SIK2: variants seen among roughly 807,000 people sequenced by gnomAD.
The protein encoded by SIK2 is salt inducible kinase 2.
SIK2 carries 29 observed loss-of-function variants against 103.2 expected under a neutral mutation model. The observed-to-expected ratio is 0.28, with a 90% CI of 0.21 to 0.38. SIK2 has a LOEUF of 0.38. Ranked by LOEUF, SIK2 falls within the 10% of genes least tolerant of loss-of-function variation. SIK2 has a pLI of 1.00. For synonymous variants in SIK2, 412 were observed against 446.1 expected (o/e 0.92, Z 0.96); for missense variants, 879 against 1,171.0 (o/e 0.75, Z 3.64).
At chr11:111,686,843 G>A (rs1031420086) in intron 3 of SIK2, among the ~76,000 whole-genome samples, 2 of 152,186 alleles carry the variant, frequency 1.3e-5, no homozygotes, top group Non-Finnish European at 2.9e-5. Context: ...TCATGACAAT[G>A]TTTGGTTTAG....
At chr11:111,642,983 G>GT (rs889224638) in intron 3 of SIK2, among the ~76,000 whole-genome samples, 64 of 151,784 alleles carry the variant, frequency 4.2e-4, no homozygotes, top group Admixed American at 9.2e-4. Context: ...AAATTTCTTC[G>GT]TTTTTTTTAT....
chr11:111,641,062 C>A (rs1194021343), intron 3 of SIK2, among the ~76,000 whole-genome samples: 2 of 152,124 alleles, frequency 1.3e-5, no homozygotes, highest in Non-Finnish European at 2.9e-5. Context: ...TTAGTCCTCA[C>A]CCTCTTTAAC....
chr11:111,655,674 T>G (rs1006181609), intron 3 of SIK2, among the ~76,000 whole-genome samples: 1 of 152,174 alleles, frequency 6.6e-6, no homozygotes, highest in Non-Finnish European at 1.5e-5. Flanking sequence ...GCTACCTAGG[T>G]GGAGGTCTCT....
chr11:111,661,019 A>C (rs971389991), intron 3 of SIK2, among the ~76,000 whole-genome samples: 3 of 151,808 alleles, frequency 2.0e-5, no homozygotes, highest in Admixed American at 6.6e-5. Flanking sequence ...ATCTAATATG[A>C]CTTTCAGGAT....
intron 4 of SIK2, among the ~76,000 whole-genome samples, chr11:111,696,938 C>T (rs1565365449): frequency 2.0e-5 from 3 of 152,320 alleles, no homozygotes; most frequent in Non-Finnish European, 4.4e-5. Context: ...CAGAAAGCTG[C>T]AGACTGGGTG....
chr11:111,649,295 CACT>C (rs1294486054), intron 3 of SIK2, among the ~76,000 whole-genome samples: 1 of 151,994 alleles, frequency 6.6e-6, no homozygotes, highest in Admixed American at 6.5e-5. Context: ...AGTTGGTGAC[CACT>C]GTGTCCTAAA....
At chr11:111,702,130 A>AAGGC (rs1943225311) in intron 6 of SIK2, among the ~76,000 whole-genome samples, 1 of 152,200 alleles carries the variant, frequency 6.6e-6, no homozygotes, top group Non-Finnish European at 1.5e-5. Context: ...ATGGACTGTG[A>AAGGC]AGGCAGACTA....
At chr11:111,711,751 G>GACAC (rs1414819704) in intron 8 of SIK2, among the ~76,000 whole-genome samples, 1 of 152,214 alleles carries the variant, frequency 6.6e-6, no homozygotes, top group East Asian at 1.9e-4. Flanking sequence ...GGCAGGCAGA[G>GACAC]ACACAGCACT....
At position 111,602,540 on chromosome 11, in the gene SIK2, C is replaced by G. The variant is rs1439353685; in HGVS notation, c.-24C>G. ...TCCCGCCCGCCCGCGCTCCTGTCCG[C>G]CGTGTCTAGCAGCGGGGCCCAGCAT... is the stretch of plus-strand genomic sequence containing the variant. On this transcript the variant is annotated 5_prime_UTR_variant, in exon 1 of 15. Transcript: ENST00000304987. This position sits in a 1 kb window ranked among gnomAD's most constrained non-coding sequence, Gnocchi z 4.5. 1.3e-6 allele frequency: 2 copies of G among 1,485,164 alleles called. No homozygotes were observed. The highest frequency in any genetic ancestry group is 1.8e-6 in the Non-Finnish European group (2 of 1,118,024). The allele number at this position is 1,485,164 out of a possible 1,614,324, so 92.0% of individuals were successfully genotyped here. A position where few individuals can be genotyped will look rare whatever the true frequency, so the allele number is the denominator to read the frequency against.
intron 10 of SIK2, 54 bp from the exon 11 acceptor site, chr11:111,720,424 G>T (rs1943766481): frequency 1.3e-6 from 2 of 1,516,252 alleles, no homozygotes; most frequent in Non-Finnish European, 1.8e-6. Context: ...TGTACCCTAT[G>T]TTCCAAGGAG....
At chr11:111,681,144 A>C (rs915349631) in intron 3 of SIK2, among the ~76,000 whole-genome samples, 2 of 152,258 alleles carry the variant, frequency 1.3e-5, no homozygotes, top group African/African-American at 4.8e-5. Context: ...GATTATTCTT[A>C]CAAAAATTCT....
At chr11:111,612,915 G>GATATATATATATAT (rs67675103) in intron 1 of SIK2, among the ~76,000 whole-genome samples, 2,846 of 46,928 alleles carry the variant, frequency 0.061, 86 homozygotes, top group Middle Eastern at 0.089. Flanking sequence ...ATAGCAATGG[G>GATATATATATATAT]ATATATATAT....
intron 2 of SIK2, among the ~76,000 whole-genome samples, chr11:111,617,851 T>TATATATATATATACACAC (rs1491396469): frequency 1.3e-5 from 2 of 149,528 alleles, no homozygotes; most frequent in African/African-American, 5.0e-5. Context: ...TGTGTGTGTG[T>TATATATATATATACACAC]ATATATATAT....
At chr11:111,679,069 A>G (rs1942744750) in intron 3 of SIK2, among the ~76,000 whole-genome samples, 1 of 152,218 alleles carries the variant, frequency 6.6e-6, no homozygotes, top group Non-Finnish European at 1.5e-5. Flanking sequence ...CTAAGTAGAA[A>G]GAAATCTAGA....
chr11:111,690,576 G>T (rs1367124790), intron 4 of SIK2, among the ~76,000 whole-genome samples: 1 of 151,866 alleles, frequency 6.6e-6, no homozygotes, highest in Non-Finnish European at 1.5e-5. Context: ...GCCCTGCATG[G>T]ATTAGGTATT....
chr11:111,691,767 A>G (rs1942947415), intron 4 of SIK2, among the ~76,000 whole-genome samples: 1 of 152,182 alleles, frequency 6.6e-6, no homozygotes, highest in Non-Finnish European at 1.5e-5. Context: ...ATTTTAGTAA[A>G]TGTTTATTAA....
chr11:111,676,091 T>G (rs1001197523), intron 3 of SIK2, among the ~76,000 whole-genome samples: 4 of 152,244 alleles, frequency 2.6e-5, no homozygotes, highest in African/African-American at 9.6e-5. Context: ...AAGGATAGTA[T>G]TTCCTCCTTT....
chr11:111,668,564 C>T (rs1357754818), intron 3 of SIK2, among the ~76,000 whole-genome samples: 1 of 152,146 alleles, frequency 6.6e-6, no homozygotes. Context: ...TTTGAGTCCT[C>T]ATCTATTTTG....
chr11:111,698,384 T>C (rs1943129006), intron 4 of SIK2, among the ~76,000 whole-genome samples: 1 of 152,112 alleles, frequency 6.6e-6, no homozygotes. Context: ...CTCCTTTGAG[T>C]TTATTTCACC....
Sources: gnomAD v4.1 joint callset for allele counts (sites outside exome capture counted in the v4.1 genomes callset) on GRCh38, gnomAD v4.1.1 for gene constraint, Gnocchi (gnomAD v3.1) non-coding constraint, MANE v1.5 for transcripts, NCBI Gene and HGNC (gene_info 2026-07-23, HGNC 2026-07-21) for gene names.